The following PCDHGA1 variants were observed in gnomAD, a reference collection of about 807,000 sequenced individuals.
PCDHGA1 encodes the protein protocadherin gamma subfamily A, 1.
Under a neutral mutation model 58.0 loss-of-function variants are expected in PCDHGA1, and 32 were observed. That is an observed-to-expected ratio of 0.55 (90% confidence interval 0.42 to 0.74). PCDHGA1 has a LOEUF of 0.74. PCDHGA1 is among the 30% of genes least tolerant of loss of function. The probability of loss-of-function intolerance (pLI) is 0.00; values close to 1 mark genes in which losing one functional copy is unlikely to be tolerated. For synonymous variants in PCDHGA1, 498 were observed against 501.1 expected (o/e 0.99, Z 0.08); for missense variants, 1,205 against 1,182.3 (o/e 1.02, Z -0.28).
chr5:141,396,626 A>G (rs1273835228), intron 1 of PCDHGA1: 1 of 152,182 alleles, frequency 6.6e-6, no homozygotes, highest in African/African-American at 2.4e-5. Flanking sequence ...TCTCAAAAAA[A>G]AAAAAAACTA....
Position 141,491,608 on chromosome 5 carries a change from C to T in PCDHGA1, c.2422-3199C>T. On this transcript the variant is annotated intron_variant, in intron 1 of 3. Transcript: ENST00000517417. This position sits in a 1 kb window ranked among gnomAD's most constrained non-coding sequence, Gnocchi z 6.9. Reference sequence around the variant, plus strand: ...CTCGGACGGCAGTGACTTCACTTTTCTAAGACCCCTCAGCGTTCAGCAGCC... The same window carrying T: ...CTCGGACGGCAGTGACTTCACTTTTTTAAGACCCCTCAGCGTTCAGCAGCC... 6.2e-7 allele frequency: 1 copy of T among 1,613,942 alleles called. No individual in the cohort carries two copies. The highest frequency in any genetic ancestry group is 1.1e-5 in the South Asian group (1 of 91,086).
intron 1 of PCDHGA1, chr5:141,403,373 A>C: frequency 6.2e-7 from 1 of 1,614,074 alleles, no homozygotes; most frequent in Non-Finnish European, 8.5e-7. Flanking sequence ...TCTGGAAGTA[A>C]AAATTAACGA....
At chr5:141,375,418 C>G in intron 1 of PCDHGA1, 1 of 1,613,972 alleles carries the variant, frequency 6.2e-7, no homozygotes, top group Non-Finnish European at 8.5e-7. Context: ...TGGCAGACAC[C>G]AACGACAACC....
chr5:141,468,528 G>A (rs2154569956), intron 1 of PCDHGA1: 1 of 152,056 alleles, frequency 6.6e-6, no homozygotes, highest in South Asian at 2.1e-4. Context: ...TTTTTTGCAG[G>A]TAGTTTCCTG....
intron 1 of PCDHGA1, chr5:141,427,468 C>T: frequency 2.0e-6 from 1 of 509,312 alleles, no homozygotes; most frequent in Middle Eastern, 3.0e-4. Flanking sequence ...ATCGAATCTT[C>T]CGCCAATAAT....
At chr5:141,347,623 C>A (rs2149746008) in intron 1 of PCDHGA1, among the ~76,000 whole-genome samples, 1 of 152,056 alleles carries the variant, frequency 6.6e-6, no homozygotes, top group Non-Finnish European at 1.5e-5. Context: ...CCTGTCTCTA[C>A]TAAAAATACA....
At chr5:141,422,745 C>G (rs1380262961) in intron 1 of PCDHGA1, 15 of 1,610,564 alleles carry the variant, frequency 9.3e-6, no homozygotes, top group Non-Finnish European at 1.3e-5. Flanking sequence ...CCTCCTATGT[C>G]TCTATTAACT....
chr5:141,482,758 T>TGC (rs1413945459), intron 1 of PCDHGA1, among the ~76,000 whole-genome samples: 74 of 141,724 alleles, frequency 5.2e-4, no homozygotes, highest in African/African-American at 9.9e-4. Flanking sequence ...ATTATGGTAT[T>TGC]TCATTATCAC....
At position 141,487,736 on chromosome 5, in the gene PCDHGA1, G is replaced by C; in HGVS notation, c.2422-7071G>C. On this transcript the variant is annotated intron_variant, in intron 1 of 3. Transcript: ENST00000517417. The surrounding 1 kb of genome is among the most constrained non-coding windows in gnomAD (Gnocchi z 5.0). Reference sequence around the variant, plus strand: ...TGCCCATAGTGATGTCACCATTTTTGTAAGAGGTAACTATGTGGTAGACGC... The same window carrying C: ...TGCCCATAGTGATGTCACCATTTTTCTAAGAGGTAACTATGTGGTAGACGC... 1 of 1,563,758 alleles carries C rather than the reference G, an allele frequency of 6.4e-7. No homozygotes were observed.
rs1252377833 is a variant in PCDHGA1, at chr5:141,485,012, G to T, written c.2422-9795G>T. On this transcript the variant is annotated intron_variant, in intron 1 of 3. Coordinates refer to ENST00000517417, the MANE Select transcript of PCDHGA1 (RefSeq NM_018912.3). The surrounding 1 kb of genome is among the most constrained non-coding windows in gnomAD (Gnocchi z 5.7). Reference sequence around the variant, plus strand: ...GGTGAAAGGCAGACAAATCTACCCCGCCACCAGCAAAAACGGCGCGTAACC... The same window carrying T: ...GGTGAAAGGCAGACAAATCTACCCCTCCACCAGCAAAAACGGCGCGTAACC... The T allele has an allele frequency of 1.3e-5, 8 of 630,528 alleles. No individual in the cohort carries two copies. In the Admixed American group the frequency reaches 1.5e-4, roughly 12 times the overall value. 39.1% of individuals were successfully genotyped at this position (630,528 alleles called of 1,614,324 possible).
At chr5:141,398,983 C>T (rs2093734558) in intron 1 of PCDHGA1, 1 of 1,613,944 alleles carries the variant, frequency 6.2e-7, no homozygotes. Context: ...CAGAACCGGG[C>T]AAATCTTTAG....
At chr5:141,356,639 A>G (rs1760286940) in intron 1 of PCDHGA1, 1 of 1,614,126 alleles carries the variant, frequency 6.2e-7, no homozygotes, top group East Asian at 2.2e-5. Context: ...CAAGACCCTG[A>G]CAGTGGTGAC....
intron 1 of PCDHGA1, chr5:141,333,373 G>A (rs1029310122): frequency 1.8e-6 from 1 of 569,478 alleles, no homozygotes; most frequent in Non-Finnish European, 3.0e-6. Flanking sequence ...TTTGGAAAGA[G>A]CACTGCATTA....
At chr5:141,510,887 G>C (rs2099883217) in intron 3 of PCDHGA1, 60 bp from the exon 4 acceptor site, 2 of 1,612,600 alleles carry the variant, frequency 1.2e-6, no homozygotes, top group East Asian at 4.5e-5. Context: ...GGGGATATAA[G>C]ACAGTGACTG....
rs1230185523 is a variant in PCDHGA1, at chr5:141,413,155, G to C, written c.2421+80050G>C. 10 of 1,576,552 alleles carry C rather than the reference G, an allele frequency of 6.3e-6. No individual in the cohort carries two copies. The South Asian group carries it at 1.2e-4, about 18-fold the overall frequency. ...CAACGTGTCCAGTGAGGACTTTGCA[G>C]AATTCTGTAACCAGACTACAATGGC... On this transcript the variant is annotated intron_variant, in intron 1 of 3. Coordinates refer to ENST00000517417, the MANE Select transcript of PCDHGA1 (RefSeq NM_018912.3).
Position 141,370,976 on chromosome 5 carries a change from A to G in PCDHGA1, c.2421+37871A>G, listed in dbSNP as rs985937700. ...TGGATGGCAGTAGGTACCCAGAGCT[A>G]GTACTGAAAGCACCCCTGGACAGGG... On this transcript the variant is annotated intron_variant, in intron 1 of 3. Coordinates refer to ENST00000517417, the MANE Select transcript of PCDHGA1 (RefSeq NM_018912.3). The G allele has an allele frequency of 5.0e-6, 8 of 1,613,914 alleles. No homozygotes were observed. The Admixed American group carries it at 1.0e-4, about 20-fold the overall frequency.
chr5:141,460,296 C>T (rs1443273958), intron 1 of PCDHGA1, among the ~76,000 whole-genome samples: 1 of 151,924 alleles, frequency 6.6e-6, no homozygotes, highest in Non-Finnish European at 1.5e-5. Context: ...TTCTTATGTC[C>T]TATTCAAAAA....
At chr5:141,497,013 A>G (rs2099773320) in intron 2 of PCDHGA1, among the ~76,000 whole-genome samples, 1 of 151,990 alleles carries the variant, frequency 6.6e-6, no homozygotes, top group Admixed American at 6.6e-5. Context: ...ACATGGTGAA[A>G]CCCCATCTCG....
rs762312563 is a variant in PCDHGA1 at position 141,493,182 on chromosome 5, A to G, written c.2422-1625A>G. Among the ~76,000 whole-genome samples, 1 of 152,232 alleles carries G rather than the reference A, an allele frequency of 6.6e-6. No homozygotes were observed. The highest frequency in any genetic ancestry group is 2.4e-5 in the African/African-American group (1 of 41,460). The stretch of plus-strand genomic sequence containing the variant: ...TAGCTGATTGAGAGAAACTTACTAT[A>G]TAACTCCTTTGAGAACCTCATCTCA... On this transcript the variant is annotated intron_variant, in intron 1 of 3. Coordinates refer to ENST00000517417, the MANE Select transcript of PCDHGA1 (RefSeq NM_018912.3). The surrounding 1 kb of genome is among the most constrained non-coding windows in gnomAD (Gnocchi z 4.3).
Sources: allele counts gnomAD v4.1 joint callset (sites outside exome capture counted in the v4.1 genomes callset), GRCh38; gene constraint gnomAD v4.1.1; non-coding constraint Gnocchi (gnomAD v3.1); transcripts MANE v1.5; gene names NCBI Gene and HGNC (gene_info 2026-07-23, HGNC 2026-07-21).